PDE1A: variants seen among roughly 807,000 people sequenced by gnomAD.
PDE1A encodes the protein dual specificity calcium/calmodulin-dependent 3',5'-cyclic nucleotide phosphodiesterase 1A.
In PDE1A, 35 loss-of-function variants were observed where a neutral mutation model predicts 61.7. The observed-to-expected ratio is 0.57, with a 90% CI of 0.43 to 0.75. The LOEUF (loss-of-function observed/expected upper bound fraction) is 0.75, where lower values mean the gene tolerates loss of function less well. Ranked by LOEUF, PDE1A falls within the 30% of genes least tolerant of loss-of-function variation. The pLI, the probability that PDE1A is intolerant of heterozygous loss-of-function variation, is 0.00. For missense variants in PDE1A, 597 were observed against 630.6 expected (o/e 0.95, Z 0.57); for synonymous variants, 232 against 213.2 (o/e 1.09, Z -0.77).
intron 6 of PDE1A, 69 bp downstream of exon 6, chr2:182,229,937 G>A (rs1311740336): frequency 1.6e-6 from 2 of 1,233,180 alleles, no homozygotes; most frequent in Non-Finnish European, 2.3e-6. Flanking sequence ...AGAGACAATA[G>A]AAACTTATAG....
At chr2:182,389,075 C>G (rs1395026208) in intron 1 of PDE1A, among the ~76,000 whole-genome samples, 1 of 152,034 alleles carries the variant, frequency 6.6e-6, no homozygotes, top group African/African-American at 2.4e-5. Flanking sequence ...AAATTATAAA[C>G]TTTAGTTCTC....
chr2:182,236,310 AT>A (rs11348029), intron 3 of PDE1A, among the ~76,000 whole-genome samples: 99,625 of 151,236 alleles, frequency 0.66, 32,923 homozygotes, highest in South Asian at 0.76. Context: ...ACTATACAAG[AT>A]CTAGAATAAT....
chr2:182,247,278 A>G (rs1691045258), intron 2 of PDE1A, among the ~76,000 whole-genome samples: 1 of 152,160 alleles, frequency 6.6e-6, no homozygotes. Context: ...TGCATTGTTT[A>G]TATGCCTTTA....
chr2:182,356,282 T>A (rs1376105937), intron 1 of PDE1A, among the ~76,000 whole-genome samples: 4 of 152,026 alleles, frequency 2.6e-5, no homozygotes, highest in African/African-American at 9.7e-5. Context: ...AATAGTTTAG[T>A]AGCACAAGTC....
At chr2:182,147,793 T>A (rs1690573015) in intron 13 of PDE1A, among the ~76,000 whole-genome samples, 1 of 152,204 alleles carries the variant, frequency 6.6e-6, no homozygotes, top group South Asian at 2.1e-4. Flanking sequence ...CAGAAATTAA[T>A]TTTTGAGTCA....
At chr2:182,534,288 T>C in the PDE1A span, among the ~76,000 whole-genome samples, 3 of 152,032 alleles carry the variant, frequency 2.0e-5, no homozygotes, top group Non-Finnish European at 4.4e-5. Flanking sequence ...TCCTTTGTTA[T>C]AAAGAATTCT....
rs539505161 is a variant in PDE1A, at chr2:182,491,957, G to A, written c.101+30319C>T. Among the ~76,000 whole-genome samples the A allele has an allele frequency of 5.3e-5, 8 of 152,242 alleles. No homozygotes were observed. In the South Asian group the frequency reaches 1.7e-3, roughly 32 times the overall value. On this transcript the variant is annotated intron_variant, in intron 2 of 14. Transcript: ENST00000410103. ...TAACATTAAGATTCCTTGCTTAAGA[G>A]TTGGCATATGTTCGGCCCATTAAAC...
chr2:182,624,964 T>C, the PDE1A span, among the ~76,000 whole-genome samples: 2 of 151,894 alleles, frequency 1.3e-5, no homozygotes, highest in Non-Finnish European at 2.9e-5. Context: ...AAATTTCATA[T>C]GTTGAAGCTC....
chr2:182,170,680 A>G (rs1692125852), intron 13 of PDE1A, among the ~76,000 whole-genome samples: 1 of 152,062 alleles, frequency 6.6e-6, no homozygotes, highest in African/African-American at 2.4e-5. Context: ...CCTTGGATTT[A>G]GATATGATAA....
At chr2:182,504,657 G>A (rs1208658106) in intron 2 of PDE1A, among the ~76,000 whole-genome samples, 1 of 152,194 alleles carries the variant, frequency 6.6e-6, no homozygotes, top group African/African-American at 2.4e-5. Context: ...AAGCATATAT[G>A]ATCTCCTTTT....
the PDE1A span, among the ~76,000 whole-genome samples, chr2:182,686,575 C>G: frequency 6.6e-6 from 1 of 152,184 alleles, no homozygotes; most frequent in Non-Finnish European, 1.5e-5. Context: ...CGAATAGGAA[C>G]AGCTCCAGTC....
chr2:182,354,871 A>T (rs1699086036), intron 1 of PDE1A, among the ~76,000 whole-genome samples: 1 of 152,100 alleles, frequency 6.6e-6, no homozygotes, highest in African/African-American at 2.4e-5. Context: ...TATCAGTATG[A>T]CTTTGGGGTA....
At chr2:182,152,763 G>A (rs1439365537) in intron 13 of PDE1A, among the ~76,000 whole-genome samples, 1 of 152,050 alleles carries the variant, frequency 6.6e-6, no homozygotes, top group African/African-American at 2.4e-5. Flanking sequence ...AGAAGAAGCA[G>A]TTGTATGTGT....
At chr2:182,153,351 C>T (rs775983706) in intron 13 of PDE1A, among the ~76,000 whole-genome samples, 44 of 151,956 alleles carry the variant, frequency 2.9e-4, no homozygotes, top group Non-Finnish European at 4.1e-4. Flanking sequence ...TGAGGAGGTA[C>T]GGTGGAGCCT....
At chr2:182,446,583 G>A (rs977822504) in intron 2 of PDE1A, among the ~76,000 whole-genome samples, 4 of 152,138 alleles carry the variant, frequency 2.6e-5, no homozygotes, top group Admixed American at 6.6e-5. Context: ...CAAAGAGCAT[G>A]TATTCAGATT....
At chr2:182,507,782 A>G (rs761415227) in intron 2 of PDE1A, among the ~76,000 whole-genome samples, 1 of 152,222 alleles carries the variant, frequency 6.6e-6, no homozygotes, top group Non-Finnish European at 1.5e-5. Context: ...ACAGCCACAC[A>G]TAAAGATGCT....
intron 13 of PDE1A, among the ~76,000 whole-genome samples, chr2:182,151,746 C>T (rs1690791499): frequency 6.6e-6 from 1 of 152,126 alleles, no homozygotes; most frequent in Non-Finnish European, 1.5e-5. Flanking sequence ...TTTTCTAATA[C>T]CTCAAATCCA....
the PDE1A span, among the ~76,000 whole-genome samples, chr2:182,628,559 A>C: frequency 6.6e-6 from 1 of 152,216 alleles, no homozygotes; most frequent in Non-Finnish European, 1.5e-5. Context: ...GAACTCAAGG[A>C]AGTACATGAT....
intron 1 of PDE1A, among the ~76,000 whole-genome samples, chr2:182,420,141 A>T (rs1438132895): frequency 6.6e-6 from 1 of 152,132 alleles, no homozygotes; most frequent in Non-Finnish European, 1.5e-5. Context: ...AATTGGATGC[A>T]GCTGGACTGA....
Sources: allele counts gnomAD v4.1 joint callset (sites outside exome capture counted in the v4.1 genomes callset), GRCh38; gene constraint gnomAD v4.1.1; transcripts MANE v1.5; gene names NCBI Gene and HGNC (gene_info 2026-07-23, HGNC 2026-07-21).